NELL2: variants seen among roughly 807,000 people sequenced by gnomAD.
NELL2 encodes protein kinase C-binding protein NELL2.
NELL2 carries 41 observed loss-of-function variants against 109.6 expected under a neutral mutation model. The ratio of observed to expected loss-of-function variants is 0.37; its 90% CI spans 0.29 to 0.49. The LOEUF is 0.49. Ranked by LOEUF, NELL2 falls within the 20% of genes least tolerant of loss-of-function variation. The pLI is 0.98. For synonymous variants in NELL2, 355 were observed against 344.7 expected (o/e 1.03, Z -0.33); for missense variants, 900 against 1,008.3 (o/e 0.89, Z 1.45).
chr12:44,581,672 T>C (rs1209224307), intron 15 of NELL2, among the ~76,000 whole-genome samples: 1 of 42,000 alleles, frequency 2.4e-5, no homozygotes. Flanking sequence ...CAGTTTGTTT[T>C]GAAAAGTGAA....
intron 15 of NELL2, among the ~76,000 whole-genome samples, chr12:44,581,607 ACTTCT>A (rs1475231333): frequency 2.0e-5 from 3 of 152,064 alleles, no homozygotes; most frequent in African/African-American, 7.3e-5. Flanking sequence ...CATTTTAACT[ACTTCT>A]CTTTATATAG....
intron 18 of NELL2, 29 bp downstream of exon 18, chr12:44,521,971 T>A: frequency 1.2e-6 from 2 of 1,608,304 alleles, no homozygotes; most frequent in Non-Finnish European, 8.5e-7. Context: ...GGCCTAAATT[T>A]TCTTTCCACT....
chr12:44,686,545 T>A (rs1385023875), intron 12 of NELL2, among the ~76,000 whole-genome samples: 1 of 152,130 alleles, frequency 6.6e-6, no homozygotes, highest in Non-Finnish European at 1.5e-5. Flanking sequence ...TCTTTGTGGT[T>A]TTATCTACTT....
intron 12 of NELL2, among the ~76,000 whole-genome samples, chr12:44,700,301 T>C (rs1200337370): frequency 6.6e-6 from 1 of 152,194 alleles, no homozygotes; most frequent in Non-Finnish European, 1.5e-5. Flanking sequence ...CATCCAGCCT[T>C]TCTCCTGTTC....
chr12:44,610,168 C>A (rs1010872475), intron 14 of NELL2, among the ~76,000 whole-genome samples: 37 of 150,578 alleles, frequency 2.5e-4, no homozygotes, highest in Non-Finnish European at 2.4e-4. Flanking sequence ...AAATAGGAAA[C>A]TATAACATGT....
chr12:44,727,349 A>T (rs1272197096), intron 9 of NELL2, among the ~76,000 whole-genome samples: 1 of 152,066 alleles, frequency 6.6e-6, no homozygotes, highest in African/African-American at 2.4e-5. Flanking sequence ...CAATTTAGGG[A>T]GTTTTTACTA....
intron 2 of NELL2, among the ~76,000 whole-genome samples, chr12:44,835,740 A>G (rs1372890376): frequency 8.5e-5 from 13 of 152,238 alleles, no homozygotes; most frequent in Admixed American, 7.8e-4. Context: ...CACTAATCCA[A>G]CAGGGTAAAC....
chr12:44,734,006 A>G, intron 9 of NELL2, among the ~76,000 whole-genome samples: 1 of 151,984 alleles, frequency 6.6e-6, no homozygotes, highest in East Asian at 1.9e-4. Context: ...TGGTCTAAAT[A>G]TGTTTATTAG....
At chr12:44,838,422 T>C (rs1794512633) in intron 2 of NELL2, among the ~76,000 whole-genome samples, 1 of 152,200 alleles carries the variant, frequency 6.6e-6, no homozygotes, top group East Asian at 1.9e-4. Context: ...ATTGTGTACA[T>C]TCTAGAGTCA....
intron 12 of NELL2, among the ~76,000 whole-genome samples, chr12:44,687,057 A>T (rs1948742260): frequency 6.6e-6 from 1 of 151,952 alleles, no homozygotes; most frequent in South Asian, 2.1e-4. Context: ...AATCAGCGAG[A>T]CTCCACGGGC....
chr12:44,714,522 T>C, intron 10 of NELL2, 128 bp downstream of exon 10: 1 of 562,502 alleles, frequency 1.8e-6, no homozygotes. Context: ...CAAATGATAA[T>C]TAATATTGTG....
intron 12 of NELL2, among the ~76,000 whole-genome samples, chr12:44,667,207 C>A (rs1394010209): frequency 6.6e-6 from 1 of 152,114 alleles, no homozygotes; most frequent in Non-Finnish European, 1.5e-5. Flanking sequence ...CTTTGTCCAT[C>A]ATATTCATCT....
At position 44,733,430 on chromosome 12, in the gene NELL2, T is replaced by C. The variant is rs1241086273; in HGVS notation, c.995-18689A>G. 2.6e-5 allele frequency among the ~76,000 whole-genome samples: 4 copies of C among 152,034 alleles called. No homozygotes were observed. In the South Asian group the frequency reaches 6.2e-4, roughly 24 times the overall value. On this transcript the variant is annotated intron_variant, in intron 9 of 19. Coordinates refer to ENST00000429094, the MANE Select transcript of NELL2 (RefSeq NM_001145108.2). ...ACAACATGGATGAATCTTGAGAACA[T>C]TAAGCTAAGTGAAATAAGTCAGTAA... is the stretch of plus-strand genomic sequence containing the variant.
chr12:44,619,505 C>CT (rs1426661716), intron 13 of NELL2, among the ~76,000 whole-genome samples: 1 of 152,058 alleles, frequency 6.6e-6, no homozygotes, highest in African/African-American at 2.4e-5. Flanking sequence ...ATTCCTCTCT[C>CT]TTTTTAATCC....
chr12:44,619,455 A>G (rs1445463717), intron 13 of NELL2, among the ~76,000 whole-genome samples: 1 of 147,658 alleles, frequency 6.8e-6, no homozygotes, highest in Non-Finnish European at 1.5e-5. Flanking sequence ...AGAGATTAAC[A>G]TTCCTTGACA....
intron 2 of NELL2, among the ~76,000 whole-genome samples, chr12:44,824,009 T>C (rs1257659415): frequency 6.6e-6 from 1 of 152,240 alleles, no homozygotes. Flanking sequence ...TTTTTTCACA[T>C]ACATTTTGAC....
chr12:44,731,651 T>G lies in NELL2; in HGVS notation c.995-16910A>C, dbSNP rs552161913. On this transcript the variant is annotated intron_variant, in intron 9 of 19. Transcript: ENST00000429094. ...CCATAGCTAACATTATACTCAACAG[T>G]GATAAACTAAGTTTCTCTTTTACAA... 4.3e-4 allele frequency among the ~76,000 whole-genome samples: 66 copies of G among 152,222 alleles called. 1 individual carries two copies. Among genetic ancestry groups the G allele is most frequent in the African/African-American group, 1.5e-3 (62 of 41,576 alleles).
At chr12:44,747,898 GAGA>G (rs1340020200) in intron 9 of NELL2, among the ~76,000 whole-genome samples, 1 of 152,140 alleles carries the variant, frequency 6.6e-6, no homozygotes, top group Admixed American at 6.6e-5. Flanking sequence ...CTAACTGGTA[GAGA>G]AGAAACAAAA....
At chr12:44,759,619 A>G (rs1941038808) in intron 9 of NELL2, among the ~76,000 whole-genome samples, 1 of 152,200 alleles carries the variant, frequency 6.6e-6, no homozygotes. Flanking sequence ...CTAACCTGCC[A>G]AACTATTTCT....
Sources: allele counts gnomAD v4.1 joint callset (sites outside exome capture counted in the v4.1 genomes callset), GRCh38; gene constraint gnomAD v4.1.1; transcripts MANE v1.5; gene names NCBI Gene and HGNC (gene_info 2026-07-23, HGNC 2026-07-21).